Variants in SULF1 observed in about 807,000 individuals in gnomAD.
The protein encoded by SULF1 is extracellular sulfatase Sulf-1.
A neutral mutation model predicts 110.5 loss-of-function variants in SULF1; 46 were observed. The observed-to-expected ratio is 0.42, with a 90% CI of 0.33 to 0.53. The LOEUF is 0.53. SULF1 is among the 20% of genes least tolerant of loss of function. SULF1 has a pLI of 0.12. For synonymous variants in SULF1, 371 were observed against 387.1 expected, an observed-to-expected ratio of 0.96 and a Z score of 0.49; for missense variants, 941 against 1,094.2, an observed-to-expected ratio of 0.86 and a Z score of 1.98.
intron 3 of SULF1, among the ~76,000 whole-genome samples, chr8:69,521,450 G>A (rs1207025665): frequency 6.6e-6 from 1 of 152,156 alleles, no homozygotes; most frequent in Non-Finnish European, 1.5e-5. Context: ...TACAAGGAAA[G>A]ACTCATTGAG....
chr8:69,600,521 T>A, intron 8 of SULF1, 82 bp from the exon 9 acceptor site: 2 of 1,349,204 alleles, frequency 1.5e-6, no homozygotes, highest in Non-Finnish European at 2.0e-6. Context: ...CTCTCCTTAA[T>A]GATTATTTCA....
intron 3 of SULF1, among the ~76,000 whole-genome samples, chr8:69,530,813 G>A (rs1442578083): frequency 6.6e-6 from 1 of 152,186 alleles, no homozygotes; most frequent in East Asian, 1.9e-4. Flanking sequence ...TATCTGGTTA[G>A]CCAACATGTC....
intron 8 of SULF1, among the ~76,000 whole-genome samples, chr8:69,594,909 GC>G (rs1024852284): frequency 9.2e-5 from 14 of 152,280 alleles, no homozygotes; most frequent in Admixed American, 2.6e-4. Flanking sequence ...CTGGAGTTTT[GC>G]AGGTAGCTTT....
At chr8:69,639,298 G>C (rs1243182125) in intron 21 of SULF1, among the ~76,000 whole-genome samples, 1 of 152,100 alleles carries the variant, frequency 6.6e-6, no homozygotes, top group African/African-American at 2.4e-5. Flanking sequence ...TCCCCCAGTT[G>C]GATCCCTGCC....
intron 3 of SULF1, among the ~76,000 whole-genome samples, chr8:69,533,963 G>A (rs919699612): frequency 6.6e-6 from 1 of 152,174 alleles, no homozygotes; most frequent in South Asian, 2.1e-4. Flanking sequence ...GCAATGTTCA[G>A]TGCTAAAGTC....
At chr8:69,654,727 T>C (rs752998224) in intron 22 of SULF1, among the ~76,000 whole-genome samples, 9 of 152,176 alleles carry the variant, frequency 5.9e-5, no homozygotes, top group Non-Finnish European at 1.0e-4. Context: ...ATCTGTCCAG[T>C]GGGGGACACT....
chr8:69,579,199 G>T (rs374062088), intron 6 of SULF1, among the ~76,000 whole-genome samples: 2 of 149,836 alleles, frequency 1.3e-5, no homozygotes, highest in Non-Finnish European at 3.0e-5. Context: ...AAACCAGTAG[G>T]AAAAGGATAA....
chr8:69,616,482 A>T (rs1809154245), intron 13 of SULF1, among the ~76,000 whole-genome samples: 1 of 151,860 alleles, frequency 6.6e-6, no homozygotes. Flanking sequence ...GCTCACGGCA[A>T]CCTCCGCCTC....
intron 3 of SULF1, among the ~76,000 whole-genome samples, chr8:69,552,580 A>T (rs903403940): frequency 3.3e-5 from 5 of 152,258 alleles, no homozygotes; most frequent in African/African-American, 1.2e-4. Context: ...GTAGTCCAGT[A>T]GTCAAAATCC....
intron 3 of SULF1, among the ~76,000 whole-genome samples, chr8:69,530,555 C>G (rs1208643722): frequency 6.6e-6 from 1 of 152,176 alleles, no homozygotes; most frequent in Non-Finnish European, 1.5e-5. Context: ...TTTGACTTCT[C>G]TCATCGATAA....
chr8:69,630,746 GAAA>G (rs901816360), intron 19 of SULF1, among the ~76,000 whole-genome samples: 1 of 151,470 alleles, frequency 6.6e-6, no homozygotes, highest in African/African-American at 2.4e-5. Context: ...GGTACAGGTA[GAAA>G]AAAAAGAAAG....
intron 3 of SULF1, among the ~76,000 whole-genome samples, chr8:69,557,194 G>C (rs769331555): frequency 6.6e-6 from 1 of 152,078 alleles, no homozygotes; most frequent in African/African-American, 2.4e-5. Context: ...TTGTCTCTTC[G>C]TTCTCATTCT....
chr8:69,524,289 A>G (rs1812518563), intron 3 of SULF1, among the ~76,000 whole-genome samples: 1 of 152,070 alleles, frequency 6.6e-6, no homozygotes, highest in African/African-American at 2.4e-5. Context: ...GTTATAAAGT[A>G]AAGAGGTTCA....
intron 22 of SULF1, among the ~76,000 whole-genome samples, chr8:69,648,543 G>C (rs1408013182): frequency 6.6e-6 from 1 of 152,182 alleles, no homozygotes; most frequent in Non-Finnish European, 1.5e-5. Flanking sequence ...GCTGAGAGCT[G>C]ACTGGGCTAA....
At chr8:69,532,112 C>A (rs1439617026) in intron 3 of SULF1, among the ~76,000 whole-genome samples, 1 of 152,212 alleles carries the variant, frequency 6.6e-6, no homozygotes, top group Non-Finnish European at 1.5e-5. Flanking sequence ...TATTCAAGAA[C>A]GTTGAGAAAC....
intron 1 of SULF1, among the ~76,000 whole-genome samples, chr8:69,471,998 T>TGTGAGA (rs1554555786): frequency 2.4e-4 from 36 of 149,186 alleles, no homozygotes; most frequent in Non-Finnish European, 4.6e-4. Flanking sequence ...GGAGAGAAAG[T>TGTGAGA]GAGAGAGAGA....
chr8:69,557,714 A>G (rs1815208210), intron 3 of SULF1, among the ~76,000 whole-genome samples: 1 of 152,212 alleles, frequency 6.6e-6, no homozygotes, highest in Non-Finnish European at 1.5e-5. Context: ...CCCTCACCAT[A>G]CACCAGGGAT....
chr8:69,621,084 G>A lies in SULF1; in HGVS notation c.1427G>A (p.Cys476Tyr). 3 of 1,613,906 alleles carry A rather than the reference G, an allele frequency of 1.9e-6. No homozygotes were observed. Among genetic ancestry groups the A allele is most frequent in the Non-Finnish European group, 2.5e-6 (3 of 1,179,786 alleles). The change falls in exon 14 of 23, where the codon TGT becomes TAT. Residue 476 changes from cysteine to tyrosine, a missense_variant. Transcript: ENST00000402687. ...TCTGGCAAGCTTCGAATTCACAAGT[G>A]TAAAGGACCCAGTGACCTGCTCACA... ...DTSGKLRIHK[C>Y]KGPSDLLTVR...
chr8:69,555,651 A>G (rs1234255636), intron 3 of SULF1, among the ~76,000 whole-genome samples: 1 of 142,824 alleles, frequency 7.0e-6, no homozygotes, highest in Admixed American at 6.9e-5. Context: ...GCAAGACTCC[A>G]TCTCAAAAAA....
Sources: gnomAD v4.1 joint callset for allele counts (sites outside exome capture counted in the v4.1 genomes callset) on GRCh38, gnomAD v4.1.1 for gene constraint, MANE v1.5 for transcripts, NCBI Gene and HGNC (gene_info 2026-07-23, HGNC 2026-07-21) for gene names.